Variants in ANK3 observed in about 807,000 individuals in gnomAD.
The protein encoded by ANK3 is ankyrin-3.
A neutral mutation model predicts 370.9 loss-of-function variants in ANK3; 57 were observed. The observed-to-expected ratio is 0.15, with a 90% CI of 0.12 to 0.19. The LOEUF (loss-of-function observed/expected upper bound fraction) is 0.19, where lower values mean the gene tolerates loss of function less well. Among genes scored for constraint, ANK3 ranks in the 10% least tolerant of loss-of-function variants. ANK3 has a pLI of 1.00. For synonymous variants in ANK3, 1,929 were observed against 1,946.3 expected, an observed-to-expected ratio of 0.99 and a Z score of 0.23; for missense variants, 4,439 against 5,302.1, an observed-to-expected ratio of 0.84 and a Z score of 5.06.
Position 60,213,526 on chromosome 10 carries a change from A to T in ANK3, c.898-16T>A. The T allele has an allele frequency of 6.5e-7, 1 of 1,533,808 alleles. No individual in the cohort carries two copies. The highest frequency in any genetic ancestry group is 1.2e-5 in the South Asian group (1 of 84,024). On this transcript the variant is annotated splice_polypyrimidine_tract_variant and intron_variant, in intron 8 of 43. Coordinates refer to ENST00000280772, the MANE Select transcript of ANK3 (RefSeq NM_020987.5). ...TCAGACCATCCTGTTGAACAAAGGA[A>T]ACATCACCAATTAAATTTGACAATA...
rs202020962 is a variant in ANK3 at position 60,076,429 on chromosome 10, T to C, written c.4452A>G (p.Ala1484=). Residue 1484 remains alanine (A), a synonymous_variant, in exon 37 of 44, where the codon GCA becomes GCG. Transcript: ENST00000280772. ...AGTAAGTGGTGGGGAGGGATCTTGT[T>C]GCTCCTGTACTCCGTTCAACTGTTT... ...EPGMIERSTG[A]TRSLPTTYSY... The C allele has an allele frequency of 6.2e-7, 1 of 1,610,118 alleles. No individual in the cohort carries two copies. Among genetic ancestry groups the C allele is most frequent in the East Asian group, 2.2e-5 (1 of 44,780 alleles).
At chr10:60,578,498 T>A (rs2077708917) in intron 2 of ANK3, among the ~76,000 whole-genome samples, 1 of 152,214 alleles carries the variant, frequency 6.6e-6, no homozygotes, top group African/African-American at 2.4e-5. Flanking sequence ...TAAATGATTT[T>A]AAAAGAATGA....
chr10:60,268,504 A>T (rs2132664661), intron 5 of ANK3, among the ~76,000 whole-genome samples: 1 of 152,272 alleles, frequency 6.6e-6, no homozygotes, highest in Non-Finnish European at 1.5e-5. Flanking sequence ...CAAGCCAAAT[A>T]GTTCTGAATA....
At chr10:60,680,861 T>C (rs189585138) in intron 1 of ANK3, among the ~76,000 whole-genome samples, 148 of 152,296 alleles carry the variant, frequency 9.7e-4, no homozygotes, top group Middle Eastern at 3.4e-3. Context: ...CTCAGTTTCT[T>C]TAACTATAAA....
In ANK3 at chr10:60,069,018, T is replaced by C. The variant is rs768391934; in HGVS notation, c.11863A>G (p.Arg3955Gly). The C allele has an allele frequency of 6.2e-6, 10 of 1,613,974 alleles. No individual in the cohort carries two copies. The African/African-American group carries it at 1.1e-4, about 17-fold the overall frequency. Residue 3955 changes from arginine (R) to glycine (G), a missense_variant, in exon 37 of 44, where the codon AGA becomes GGA. Arg to Gly is a moderately radical substitution (Grantham distance 125, BLOSUM62 -2). Transcript: ENST00000280772. Reference protein sequence around the residue: ...QLPSKLPVKVRSTCVTTTTTT... With the variant: ...QLPSKLPVKVGSTCVTTTTTT... Reference sequence around the variant, plus strand: ...GTGGTGGTAGTGACACAGGTGGATCTTACCTTTACTGGCAACTTGGATGGA... The same window carrying C: ...GTGGTGGTAGTGACACAGGTGGATCCTACCTTTACTGGCAACTTGGATGGA...
intron 2 of ANK3, among the ~76,000 whole-genome samples, chr10:60,430,382 G>A (rs957575101): frequency 6.6e-6 from 1 of 152,084 alleles, no homozygotes; most frequent in Non-Finnish European, 1.5e-5. Flanking sequence ...AGAATGAGGT[G>A]GTATCGGTGG....
chr10:60,648,434 C>T (rs535615806), intron 1 of ANK3, among the ~76,000 whole-genome samples: 5 of 141,520 alleles, frequency 3.5e-5, no homozygotes, highest in South Asian at 5.0e-4. Flanking sequence ...GCTGGGATTA[C>T]AGGCGTGAGC....
intron 1 of ANK3, among the ~76,000 whole-genome samples, chr10:60,326,467 T>G (rs1477273087): frequency 6.6e-6 from 1 of 152,160 alleles, no homozygotes; most frequent in Non-Finnish European, 1.5e-5. Context: ...TCTATCCTGA[T>G]GTGAGTATCT....
chr10:60,667,497 T>TTACTCATTCCTGCTGGATAG (rs2079013680), intron 1 of ANK3, among the ~76,000 whole-genome samples: 1 of 146,720 alleles, frequency 6.8e-6, no homozygotes, highest in African/African-American at 2.8e-5. Flanking sequence ...CCAAATGATA[T>TTACTCATTCCTGCTGGATAG]AAAAATTCAT....
intron 18 of ANK3, among the ~76,000 whole-genome samples, chr10:60,177,440 A>C (rs542255471): frequency 6.6e-6 from 1 of 152,246 alleles, no homozygotes; most frequent in Non-Finnish European, 1.5e-5. Context: ...TAGGAAACTC[A>C]TAGTCCTCTT....
chr10:60,055,791 C>T lies in ANK3; in HGVS notation c.12932G>A (p.Ser4311Asn), dbSNP rs1172281478. 1 of 1,614,052 alleles carries T rather than the reference C, an allele frequency of 6.2e-7. No individual in the cohort carries two copies. The highest frequency in any genetic ancestry group is 1.3e-5 in the African/African-American group (1 of 74,918). Residue 4311 changes from serine (S) to asparagine (N), a missense_variant, in exon 42 of 44, where the codon AGC becomes AAC. Around this residue, in one of 13 missense-constraint regions of ANK3, gnomAD observed 242 missense variants for 228.0 expected, o/e 1.06. Coordinates refer to ENST00000280772, the MANE Select transcript of ANK3 (RefSeq NM_020987.5). The part of the protein sequence containing the change: ...AAYQKSLEET[S>N]KLIIEETKPC... The stretch of plus-strand genomic sequence containing the variant: ...TTTAGTCTCTTCTATTATAAGCTTG[C>T]TGGTTTCTTCTAGAGATTTCTGATA...
chr10:60,107,100 C>G (rs2092268165), intron 27 of ANK3, among the ~76,000 whole-genome samples: 1 of 152,090 alleles, frequency 6.6e-6, no homozygotes, highest in Non-Finnish European at 1.5e-5. Context: ...ATTAGAAAAG[C>G]ATTTGCTTCA....
intron 1 of ANK3, among the ~76,000 whole-genome samples, chr10:60,386,748 G>A (rs2062395133): frequency 6.6e-6 from 1 of 152,032 alleles, no homozygotes. Flanking sequence ...CTTCGTCTTT[G>A]GCCTTGCTCA....
intron 42 of ANK3, chr10:60,043,172 T>A: frequency 1.0e-6 from 1 of 989,066 alleles, no homozygotes; most frequent in African/African-American, 1.7e-5. Flanking sequence ...GGGACTTTTT[T>A]AAGTTAGTGG....
intron 1 of ANK3, chr10:60,300,624 C>G (rs10761473): frequency 0.078 from 81,255 of 1,037,800 alleles, 4,470 homozygotes; most frequent in Admixed American, 0.24. Context: ...TGGATTTAGT[C>G]ATGATATGTG....
At chr10:60,083,891 C>A in intron 32 of ANK3, 5 of 236,082 alleles carry the variant, frequency 2.1e-5, no homozygotes, top group Admixed American at 5.7e-5. Context: ...ATGTGCCTGA[C>A]ATCAATCACT....
intron 25 of ANK3, among the ~76,000 whole-genome samples, chr10:60,119,720 C>T (rs1410059730): frequency 6.6e-6 from 1 of 151,972 alleles, no homozygotes. Context: ...CGCAGTGAGC[C>T]GAGATCGTGC....
intron 2 of ANK3, among the ~76,000 whole-genome samples, chr10:60,560,998 C>T (rs2077321878): frequency 6.6e-6 from 1 of 151,816 alleles, no homozygotes; most frequent in Non-Finnish European, 1.5e-5. Context: ...GATTTTTCAA[C>T]TTTGTAAAAT....
chr10:60,118,957 A>G (rs1269485233), intron 25 of ANK3, among the ~76,000 whole-genome samples: 1 of 152,184 alleles, frequency 6.6e-6, no homozygotes, highest in African/African-American at 2.4e-5. Flanking sequence ...GTCCTTTCTT[A>G]ACTTCTTTAG....
Sources: allele counts gnomAD v4.1 joint callset (sites outside exome capture counted in the v4.1 genomes callset), GRCh38; gene constraint gnomAD v4.1.1; regional missense constraint gnomAD v4.1.1; transcripts MANE v1.5; gene names NCBI Gene and HGNC (gene_info 2026-07-23, HGNC 2026-07-21).